The following ATRN variants were observed in gnomAD, a reference collection of about 807,000 sequenced individuals.
The protein encoded by ATRN is attractin-2.
ATRN carries 54 observed loss-of-function variants against 178.7 expected under a neutral mutation model. The ratio of observed to expected loss-of-function variants is 0.30; its 90% confidence interval spans 0.24 to 0.38. The LOEUF is 0.38. Among genes scored for constraint, ATRN ranks in the 10% least tolerant of loss-of-function variants. The pLI is 1.00. For synonymous variants in ATRN, 636 were observed against 663.0 expected, an observed-to-expected ratio of 0.96 and a Z score of 0.63; for missense variants, 1,443 against 1,815.1, an observed-to-expected ratio of 0.79 and a Z score of 3.73.
At chr20:3,488,361 AGT>A (rs1212383558) in intron 1 of ATRN, among the ~76,000 whole-genome samples, 1 of 151,774 alleles carries the variant, frequency 6.6e-6, no homozygotes, top group Non-Finnish European at 1.5e-5. Flanking sequence ...CTAGAGAAAG[AGT>A]GTGTGTGTGT....
At chr20:3,643,145 A>G (rs1250831153) in intron 27 of ATRN, among the ~76,000 whole-genome samples, 3 of 152,140 alleles carry the variant, frequency 2.0e-5, no homozygotes, top group Non-Finnish European at 4.4e-5. Flanking sequence ...TTCAAAGCAG[A>G]GTCTTCCCCA....
Position 3,527,974 on chromosome 20 carries a change from C to T in ATRN, c.411-7279C>T, listed in dbSNP as rs548884564. Among the ~76,000 whole-genome samples the T allele has an allele frequency of 3.7e-3, 567 of 152,116 alleles. 3 individuals carry two copies. The highest frequency in any genetic ancestry group is 5.9e-3 in the Non-Finnish European group (403 of 67,994). Reference sequence around the variant, plus strand: ...TAGGAGAAATACCTAATGTAGATGACGGCTTGATGGGTGCGGCAAACCACC... The same window carrying T: ...TAGGAGAAATACCTAATGTAGATGATGGCTTGATGGGTGCGGCAAACCACC... On this transcript the variant is annotated intron_variant, in intron 1 of 28. Coordinates refer to ENST00000262919, the MANE Select transcript of ATRN (RefSeq NM_139321.3).
At chr20:3,479,487 TGA>T (rs1456885619) in intron 1 of ATRN, among the ~76,000 whole-genome samples, 1 of 152,220 alleles carries the variant, frequency 6.6e-6, no homozygotes, top group Non-Finnish European at 1.5e-5. Context: ...TGGGCAGGTC[TGA>T]GAGGTTTAGT....
chr20:3,575,991 G>T (rs768260021), intron 13 of ATRN, 43 bp downstream of exon 13: 16 of 1,603,756 alleles, frequency 1.0e-5, no homozygotes, highest in Admixed American at 5.1e-5. Flanking sequence ...ATCCCAATTT[G>T]TCATAGGTTT....
intron 2 of ATRN, among the ~76,000 whole-genome samples, chr20:3,539,205 T>C (rs1383771885): frequency 2.6e-5 from 4 of 152,214 alleles, no homozygotes; most frequent in African/African-American, 4.8e-5. Flanking sequence ...GATGTTGATA[T>C]TCCCAGAGCT....
At chr20:3,642,333 A>G (rs2087075669) in intron 27 of ATRN, among the ~76,000 whole-genome samples, 1 of 152,222 alleles carries the variant, frequency 6.6e-6, no homozygotes, top group African/African-American at 2.4e-5. Context: ...GCCATGGCCA[A>G]ACTGAGCTTT....
At position 3,581,040 on chromosome 20, in the gene ATRN, A is replaced by G. The variant is rs564589311; in HGVS notation, c.2545-1095A>G. Among the ~76,000 whole-genome samples, 5 of 152,042 alleles carry G rather than the reference A, an allele frequency of 3.3e-5. No homozygotes were observed. In the East Asian group the frequency reaches 9.7e-4, roughly 29 times the overall value. On this transcript the variant is annotated intron_variant, in intron 15 of 28. Coordinates refer to ENST00000262919, the MANE Select transcript of ATRN (RefSeq NM_139321.3). ...GAGGATTGCTTGAGCCCAGGAGTTC[A>G]AGACTAGCCTGGGCAACACAGGGAG...
chr20:3,616,861 C>T (rs1413965102), intron 24 of ATRN, among the ~76,000 whole-genome samples: 1 of 152,100 alleles, frequency 6.6e-6, no homozygotes, highest in Admixed American at 6.5e-5. Flanking sequence ...TGATGACACA[C>T]ATCCCATAGC....
At position 3,630,964 on chromosome 20, in the gene ATRN, T is replaced by TTTTTTTTTTTTTTG. The variant is rs1307722255; in HGVS notation, c.3864-3347_3864-3346insTTTTTTTTTTTTTG. 1.9e-4 allele frequency among the ~76,000 whole-genome samples: 14 copies of TTTTTTTTTTTTTTG among 73,430 alleles called. 3 individuals are homozygous for TTTTTTTTTTTTTTG. The highest frequency in any genetic ancestry group is 3.0e-4 in the Non-Finnish European group (12 of 39,838). 48.2% of individuals were successfully genotyped at this position (73,430 alleles called of 152,430 possible). A position where few individuals can be genotyped will look rare whatever the true frequency, so the allele number is the denominator to read the frequency against. The stretch of plus-strand genomic sequence containing the variant: ...TTTTTTTTTTTTTTTTTTTTTTTTT[T>TTTTTTTTTTTTTTG]GGGATAGGGTCTCTGTTGCCCAGGC... On this transcript the variant is annotated intron_variant, in intron 25 of 28. Coordinates refer to ENST00000262919, the MANE Select transcript of ATRN (RefSeq NM_139321.3).
rs73893058 is a variant in ATRN, at chr20:3,644,720, A to G, written c.4165+452A>G. On this transcript the variant is annotated intron_variant, in intron 28 of 28. Transcript: ENST00000262919. ...TCTCCCCTGGGCTGGTGTTTCTTCA[A>G]TTGGTATTTCTAGCCCTCCTGCATT... Among the ~76,000 whole-genome samples the G allele has an allele frequency of 7.0e-3, 1,067 of 152,164 alleles. 10 individuals carry two copies. The highest frequency in any genetic ancestry group is 0.024 in the African/African-American group (993 of 41,500).
chr20:3,503,392 TAC>T (rs2146112179), intron 1 of ATRN, among the ~76,000 whole-genome samples: 1 of 152,236 alleles, frequency 6.6e-6, no homozygotes, highest in South Asian at 2.1e-4. Flanking sequence ...CAGTCACCAA[TAC>T]AAGATGAATC....
chr20:3,571,141 T>C (rs2086117500), intron 11 of ATRN, among the ~76,000 whole-genome samples: 1 of 152,196 alleles, frequency 6.6e-6, no homozygotes. Flanking sequence ...TGTGGATGTA[T>C]TATAGTTTGT....
intron 1 of ATRN, chr20:3,490,178 T>C (rs746014639): frequency 6.6e-7 from 1 of 1,511,850 alleles, no homozygotes; most frequent in Admixed American, 1.7e-5. Flanking sequence ...GTCTCTGGGC[T>C]TGCTCTTCTA....
intron 24 of ATRN, among the ~76,000 whole-genome samples, chr20:3,609,695 CAA>C (rs1351987848): frequency 6.9e-6 from 1 of 145,946 alleles, no homozygotes; most frequent in East Asian, 2.0e-4. Flanking sequence ...AATGGATAAA[CAA>C]AATGTGGTAT....
intron 1 of ATRN, among the ~76,000 whole-genome samples, chr20:3,516,667 C>G (rs921772344): frequency 6.6e-6 from 1 of 152,134 alleles, no homozygotes; most frequent in South Asian, 2.1e-4. Flanking sequence ...CCTTGACTCC[C>G]TCAGCTACCT....
chr20:3,490,314 C>T (rs1464203500), intron 1 of ATRN: 22 of 1,020,880 alleles, frequency 2.2e-5, no homozygotes, highest in African/African-American at 1.3e-4. Flanking sequence ...TGGGTCAGAG[C>T]GCTGCTTGTC....
intron 24 of ATRN, among the ~76,000 whole-genome samples, chr20:3,617,941 G>A (rs941987956): frequency 6.6e-6 from 1 of 152,188 alleles, no homozygotes; most frequent in African/African-American, 2.4e-5. Context: ...CTGTCTTGGT[G>A]AGAATGGAAA....
At chr20:3,479,251 A>G (rs151335344) in intron 1 of ATRN, among the ~76,000 whole-genome samples, 2 of 152,296 alleles carry the variant, frequency 1.3e-5, no homozygotes, top group East Asian at 3.9e-4. Flanking sequence ...TCTGCTGAAT[A>G]TTGTGTGTTA....
At chr20:3,557,756 T>C (rs891524640) in intron 6 of ATRN, among the ~76,000 whole-genome samples, 5 of 152,186 alleles carry the variant, frequency 3.3e-5, no homozygotes, top group African/African-American at 1.2e-4. Context: ...TGAGAGGCAA[T>C]GTGAGTGCTA....
Sources: gnomAD v4.1 joint callset for allele counts (sites outside exome capture counted in the v4.1 genomes callset) on GRCh38, gnomAD v4.1.1 for gene constraint, MANE v1.5 for transcripts, NCBI Gene and HGNC (gene_info 2026-07-23, HGNC 2026-07-21) for gene names.